Variants in FAT2 observed in about 807,000 individuals in gnomAD.
FAT2 encodes the protein protocadherin Fat 2.
FAT2 carries 150 observed loss-of-function variants against 295.3 expected under a neutral mutation model. That is an observed-to-expected ratio of 0.51 (90% CI 0.44 to 0.58). FAT2 has a LOEUF of 0.58. Among genes scored for constraint, FAT2 ranks in the 20% least tolerant of loss-of-function variants. The pLI is 0.00. For synonymous variants in FAT2, 2,026 were observed against 2,150.3 expected, an observed-to-expected ratio of 0.94 and a Z score of 1.60; for missense variants, 4,868 against 5,442.7, an observed-to-expected ratio of 0.89 and a Z score of 3.32.
Position 151,513,939 on chromosome 5 carries a change from C to T in FAT2, c.11464-1333G>A, listed in dbSNP as rs116186529. Among the ~76,000 whole-genome samples the T allele has an allele frequency of 6.1e-3, 923 of 152,170 alleles. 5 individuals carry two copies. Among genetic ancestry groups the T allele is most frequent in the Non-Finnish European group, 0.011 (761 of 68,006 alleles). ...AATAATTTTCAAGAGTGTAAAAAGT[C>T]CTGAAGTCAAAAAGTCTGAGAACCA... On this transcript the variant is annotated intron_variant, in intron 20 of 23. Transcript: ENST00000261800.
At chr5:151,524,895 T>A (rs749854242) in intron 18 of FAT2, among the ~76,000 whole-genome samples, 1 of 152,258 alleles carries the variant, frequency 6.6e-6, no homozygotes, top group East Asian at 1.9e-4. Flanking sequence ...TCCCTCTGAA[T>A]GTGTGTCCCC....
rs2127591640 is a variant in FAT2, at chr5:151,531,816, G to A, written c.9582C>T (p.Thr3194=). ...ELTVRASDLG[T]PIPLSTLGTV... ...TGCCCAGCGTGGACAGCGGTATTGG[G>A]GTGCCCAGGTCAGAGGCACGGACCG... Residue 3194 remains threonine, a synonymous_variant, in exon 14 of 24, where the codon ACC becomes ACT. Transcript: ENST00000261800. The surrounding 1 kb of genome is among the most constrained non-coding windows in gnomAD (Gnocchi z 5.7). The A allele has an allele frequency of 1.2e-6, 2 of 1,613,716 alleles. No homozygotes were observed. Among genetic ancestry groups the A allele is most frequent in the Non-Finnish European group, 1.7e-6 (2 of 1,180,010 alleles).
chr5:151,539,067 T>G (rs1755824312), intron 11 of FAT2, among the ~76,000 whole-genome samples: 1 of 152,088 alleles, frequency 6.6e-6, no homozygotes, highest in Non-Finnish European at 1.5e-5. Context: ...GAGCCTGATC[T>G]CAGCCTCTCC....
At position 151,543,327 on chromosome 5, in the gene FAT2, T is replaced by C; in HGVS notation, c.7800A>G (p.Lys2600=). ...YTVSIQSNVS[K]DSPVIQVLAY... ...CCAACACCTGGATAACCGGAGAGTC[T>C]TTACTGACATTGGATTGAATGGATA... Residue 2600 remains lysine (K), a synonymous_variant, in exon 10 of 24, where the codon AAA becomes AAG. Coordinates refer to ENST00000261800, the MANE Select transcript of FAT2 (RefSeq NM_001447.3). 1.2e-6 allele frequency: 2 copies of C among 1,614,194 alleles called. No individual in the cohort carries two copies. The highest frequency in any genetic ancestry group is 1.7e-6 in the Non-Finnish European group (2 of 1,180,038).
chr5:151,573,227 C>T (rs1758605365), intron 1 of FAT2, among the ~76,000 whole-genome samples: 1 of 152,164 alleles, frequency 6.6e-6, no homozygotes, highest in Non-Finnish European at 1.5e-5. Context: ...TTCTGCAGGT[C>T]GTTTCAAGAA....
rs777950500 is a variant in FAT2, at chr5:151,553,280, C to T, written c.4053G>A (p.Glu1351=). 6.2e-7 allele frequency: 1 copy of T among 1,614,260 alleles called. No individual in the cohort carries two copies. Residue 1351 remains glutamate (E), a synonymous_variant, in exon 6 of 24, where the codon GAG becomes GAA. Transcript: ENST00000261800. ...RPSSIPLAFD[E]TYYSFTVMET... ...CCATGACCGTAAAGCTGTAGTAGGT[C>T]TCATCAAAGGCCAGAGGGATGGAGG...
Position 151,512,196 on chromosome 5 carries a change from A to G in FAT2, c.11874T>C (p.Asn3958=). Residue 3958 remains asparagine (N), a synonymous_variant, in exon 21 of 24, where the codon AAT becomes AAC. Transcript: ENST00000261800. This position sits in a 1 kb window ranked among gnomAD's most constrained non-coding sequence, Gnocchi z 4.1. ...CATGGGTCCATGAGCACTTCCCACCATTGAGGCATGTGTTCTGGCTGCAGT... is the reference window on the plus strand; with the variant it reads ...CATGGGTCCATGAGCACTTCCCACCGTTGAGGCATGTGTTCTGGCTGCAGT... ...SDYCSQNTCL[N]GGKCSWTHGA... 6.2e-7 allele frequency: 1 copy of G among 1,614,138 alleles called. No individual in the cohort carries two copies. The highest frequency in any genetic ancestry group is 1.1e-5 in the South Asian group (1 of 91,074).
intron 22 of FAT2, among the ~76,000 whole-genome samples, chr5:151,507,825 C>T (rs1342865533): frequency 6.6e-6 from 1 of 152,162 alleles, no homozygotes; most frequent in Non-Finnish European, 1.5e-5. Context: ...CATTTGTGAC[C>T]ATTAGGATCT....
chr5:151,519,110 A>G (rs940648612), intron 19 of FAT2, among the ~76,000 whole-genome samples: 6 of 152,214 alleles, frequency 3.9e-5, no homozygotes, highest in African/African-American at 1.4e-4. Flanking sequence ...TTGGAAGGCC[A>G]AGACAGGCAG....
At chr5:151,563,869 T>A (rs999100632) in intron 2 of FAT2, among the ~76,000 whole-genome samples, 3 of 152,350 alleles carry the variant, frequency 2.0e-5, no homozygotes, top group Non-Finnish European at 2.9e-5. Context: ...TCTGCTAAAA[T>A]GGACGCATGC....
Position 151,566,703 on chromosome 5 carries a change from A to G in FAT2, c.2229T>C (p.Asp743=), listed in dbSNP as rs558720020. Reference sequence around the variant, plus strand: ...AGACCAGTTTGCCATTAAAACCAGCATCAGGGTCAGTGGCTGCTAGGCGGG... The same window carrying G: ...AGACCAGTTTGCCATTAAAACCAGCGTCAGGGTCAGTGGCTGCTAGGCGGG... ...PLARLAATDP[D]AGFNGKLVYV... Residue 743 remains aspartate, a synonymous_variant, in exon 2 of 24, where the codon GAT becomes GAC. Transcript: ENST00000261800. 1.9e-6 allele frequency: 3 copies of G among 1,614,190 alleles called. No individual in the cohort carries two copies. The highest frequency in any genetic ancestry group is 1.7e-6 in the Non-Finnish European group (2 of 1,180,036).
Position 151,521,423 on chromosome 5 carries a change from T to G in FAT2, c.11170A>C (p.Met3724Leu). Residue 3724 changes from methionine to leucine, a missense_variant, in exon 19 of 24, where the codon ATG becomes CTG. Met to Leu is a conservative substitution (Grantham distance 15). Transcript: ENST00000261800. ...CAGGTTGGCCCCTGGCAGGGCACCA[T>G]GGGCATAGCTGACCGCATCTGAACC... ...VGVQMRSAMP[M>L]VPCQGPTCQG... The G allele has an allele frequency of 6.2e-7, 1 of 1,614,226 alleles. No homozygotes were observed. Among genetic ancestry groups the G allele is most frequent in the Non-Finnish European group, 8.5e-7 (1 of 1,180,040 alleles).
chr5:151,535,752 T>C (rs1755204440), intron 12 of FAT2, among the ~76,000 whole-genome samples: 1 of 152,128 alleles, frequency 6.6e-6, no homozygotes. Flanking sequence ...GGGTAGAGTC[T>C]TGTGGACAGA....
intron 1 of FAT2, among the ~76,000 whole-genome samples, chr5:151,589,657 G>A (rs559437353): frequency 6.6e-5 from 10 of 152,108 alleles, no homozygotes; most frequent in African/African-American, 7.2e-5. Context: ...GCACTTTAGG[G>A]GGCCAAGGTG....
chr5:151,540,201 A>G (rs1190385868), intron 11 of FAT2, among the ~76,000 whole-genome samples: 1 of 152,320 alleles, frequency 6.6e-6, no homozygotes, highest in African/African-American at 2.4e-5. Context: ...ATGAGTCTTG[A>G]ACAGCTTGGT....
chr5:151,580,076 G>T (rs182560990), intron 1 of FAT2, among the ~76,000 whole-genome samples: 1 of 152,292 alleles, frequency 6.6e-6, no homozygotes, highest in East Asian at 1.9e-4. Flanking sequence ...CCAGAAAAAG[G>T]AAGGGGTCAC....
intron 8 of FAT2, among the ~76,000 whole-genome samples, chr5:151,550,156 G>A (rs762571061): frequency 2.0e-5 from 3 of 152,104 alleles, no homozygotes; most frequent in Non-Finnish European, 4.4e-5. Context: ...CTGACTCTTG[G>A]GGTCATAAAA....
At chr5:151,593,592 A>G (rs1045349009), upstream of FAT2, among the ~76,000 whole-genome samples, 10 of 152,142 alleles carry the variant, frequency 6.6e-5, no homozygotes, top group Non-Finnish European at 1.0e-4. Flanking sequence ...ATTCCCTGAT[A>G]TCTAAAATTC....
At chr5:151,524,595 G>A (rs547534851) in intron 18 of FAT2, among the ~76,000 whole-genome samples, 4 of 152,318 alleles carry the variant, frequency 2.6e-5, no homozygotes, top group African/African-American at 9.6e-5. Flanking sequence ...TTCTGTTGTA[G>A]CAGCCCAAAT....
Sources: gnomAD v4.1 joint callset for allele counts (sites outside exome capture counted in the v4.1 genomes callset) on GRCh38, gnomAD v4.1.1 for gene constraint, Gnocchi (gnomAD v3.1) non-coding constraint, MANE v1.5 for transcripts, NCBI Gene and HGNC (gene_info 2026-07-23, HGNC 2026-07-21) for gene names.